ACOXL: variants seen among roughly 807,000 people sequenced by gnomAD.
The protein encoded by ACOXL is acyl-coenzyme A oxidase-like protein.
Under a neutral mutation model 71.9 loss-of-function variants are expected in ACOXL, and 70 were observed. The ratio of observed to expected loss-of-function variants is 0.97; its 90% confidence interval spans 0.80 to 1.19. The LOEUF (loss-of-function observed/expected upper bound fraction) is 1.19. Ranked by LOEUF, ACOXL falls within the 50% of genes most tolerant of loss-of-function variation. The pLI, the probability that ACOXL is intolerant of heterozygous loss-of-function variation, is 0.00. For synonymous variants in ACOXL, 253 were observed against 281.6 expected (o/e 0.90, Z 1.02); for missense variants, 703 against 736.3 (o/e 0.95, Z 0.52).
intron 15 of ACOXL, among the ~76,000 whole-genome samples, chr2:111,045,166 CTT>C (rs1162778482): frequency 1.3e-5 from 2 of 152,188 alleles, no homozygotes; most frequent in African/African-American, 2.4e-5. Flanking sequence ...CCCAGGGAGA[CTT>C]TGCATTTTGT....
chr2:110,866,878 A>G (rs116401626), intron 10 of ACOXL, among the ~76,000 whole-genome samples: 2,251 of 152,256 alleles, frequency 0.015, 59 homozygotes, highest in African/African-American at 0.052. Context: ...CGAGGCTCCT[A>G]TCCTTTGGAG....
At chr2:110,873,057 A>G (rs1300083777) in intron 10 of ACOXL, among the ~76,000 whole-genome samples, 3 of 152,204 alleles carry the variant, frequency 2.0e-5, no homozygotes, top group Admixed American at 2.0e-4. Flanking sequence ...TATGAGTCAC[A>G]TTGACACTGT....
At chr2:111,019,943 C>A (rs2064667645) in intron 14 of ACOXL, among the ~76,000 whole-genome samples, 2 of 152,214 alleles carry the variant, frequency 1.3e-5, no homozygotes, top group Admixed American at 1.3e-4. Context: ...TCACTCCAAC[C>A]ACTACCTCTC....
Position 110,768,386 on chromosome 2 carries a change from T to C in ACOXL, c.-4T>C, listed in dbSNP as rs1436928245. 1.2e-6 allele frequency: 2 copies of C among 1,613,908 alleles called. No homozygotes were observed. The highest frequency in any genetic ancestry group is 1.7e-6 in the Non-Finnish European group (2 of 1,179,976). On this transcript the variant is annotated 5_prime_UTR_variant, in exon 2 of 18. An upstream start codon of the reference 5' UTR is lost. Coordinates refer to ENST00000439055, the MANE Select transcript of ACOXL (RefSeq NM_001142807.4). ...TTCACAGGTATGATTTAAGCTTGGA[T>C]GAAATGAGAGCTTTGACAGTTCAGA...
At chr2:111,039,212 A>G (rs1183163334) in intron 15 of ACOXL, among the ~76,000 whole-genome samples, 1 of 152,228 alleles carries the variant, frequency 6.6e-6, no homozygotes, top group Non-Finnish European at 1.5e-5. Flanking sequence ...CAAGTTTGAT[A>G]AATCACCAGA....
rs879082833 is a variant in ACOXL at position 111,092,852 on chromosome 2, C to T, written c.1441-13C>T. The T allele has an allele frequency of 1.9e-6, 3 of 1,598,504 alleles. No individual in the cohort carries two copies. The highest frequency in any genetic ancestry group is 2.6e-6 in the Non-Finnish European group (3 of 1,167,478). On this transcript the variant is annotated splice_polypyrimidine_tract_variant and intron_variant, in intron 16 of 17. Coordinates refer to ENST00000439055, the MANE Select transcript of ACOXL (RefSeq NM_001142807.4). ...CTATTTGTCCATTTCTTTTGTTTTCCCCCACCCCTTAGTTTTGTCTGTTGT... is the reference window on the plus strand; with the variant it reads ...CTATTTGTCCATTTCTTTTGTTTTCTCCCACCCCTTAGTTTTGTCTGTTGT...
intron 9 of ACOXL, among the ~76,000 whole-genome samples, chr2:110,807,803 G>A (rs1429852984): frequency 6.6e-6 from 1 of 152,216 alleles, no homozygotes; most frequent in Non-Finnish European, 1.5e-5. Context: ...TGAAACCTAA[G>A]ATGGTCCTTC....
intron 16 of ACOXL, among the ~76,000 whole-genome samples, chr2:111,086,086 C>A (rs1258833166): frequency 6.6e-6 from 1 of 152,082 alleles, no homozygotes; most frequent in Non-Finnish European, 1.5e-5. Flanking sequence ...GCCTACCAAC[C>A]AAAAATAGCC....
chr2:110,761,089 C>G (rs961034702), intron 1 of ACOXL, among the ~76,000 whole-genome samples: 2 of 152,160 alleles, frequency 1.3e-5, no homozygotes, highest in Non-Finnish European at 2.9e-5. Flanking sequence ...AATTTTTTCT[C>G]TCTCATAATT....
chr2:110,912,574 T>G (rs1415839153), intron 11 of ACOXL, among the ~76,000 whole-genome samples: 1 of 152,100 alleles, frequency 6.6e-6, no homozygotes, highest in Non-Finnish European at 1.5e-5. Context: ...ATGCAAAAAA[T>G]GAAGTTGGAC....
chr2:110,975,864 G>A (rs901269330), intron 12 of ACOXL, among the ~76,000 whole-genome samples: 6 of 151,206 alleles, frequency 4.0e-5, no homozygotes, highest in Non-Finnish European at 7.4e-5. Context: ...AAACTTCCAA[G>A]AATGAAGATC....
intron 12 of ACOXL, among the ~76,000 whole-genome samples, chr2:110,958,661 A>G (rs975387181): frequency 1.3e-5 from 2 of 152,232 alleles, no homozygotes; most frequent in Non-Finnish European, 1.5e-5. Context: ...GAGGGATCCC[A>G]TGGGCAGCAG....
intron 1 of ACOXL, among the ~76,000 whole-genome samples, chr2:110,734,416 C>T (rs35453655): frequency 0.021 from 3,237 of 152,066 alleles, 43 homozygotes; most frequent in Middle Eastern, 0.031. Context: ...ATTACAGGCA[C>T]CCACCACCAC....
intron 11 of ACOXL, among the ~76,000 whole-genome samples, chr2:110,917,421 T>C (rs2059904543): frequency 6.6e-6 from 1 of 152,204 alleles, no homozygotes; most frequent in South Asian, 2.1e-4. Flanking sequence ...ATAAGGGCTA[T>C]CTATGACAAA....
At chr2:111,099,914 C>T (rs1337887813) in intron 17 of ACOXL, 1 of 152,170 alleles carries the variant, frequency 6.6e-6, no homozygotes, top group Non-Finnish European at 1.5e-5. Flanking sequence ...AAGCAAAGAT[C>T]TCAGCTTCTT....
chr2:110,984,367 T>C (rs2062842017), intron 12 of ACOXL, among the ~76,000 whole-genome samples: 1 of 152,178 alleles, frequency 6.6e-6, no homozygotes, highest in South Asian at 2.1e-4. Context: ...GTCTAGGTGG[T>C]GACTGATCTC....
At chr2:110,988,561 A>G (rs761225977) in intron 13 of ACOXL, among the ~76,000 whole-genome samples, 1 of 152,192 alleles carries the variant, frequency 6.6e-6, no homozygotes, top group Non-Finnish European at 1.5e-5. Context: ...TTGCTGTGCT[A>G]TGGAGTAATG....
At chr2:111,115,588 C>T (rs976748273) in intron 17 of ACOXL, 2 of 152,010 alleles carry the variant, frequency 1.3e-5, no homozygotes, top group African/African-American at 4.8e-5. Context: ...TGGGTGGGTA[C>T]CTGGAATCAG....
chr2:110,963,574 TGTGTGTG>T, intron 12 of ACOXL: 1 of 990,236 alleles, frequency 1.0e-6, no homozygotes. Flanking sequence ...AATGTGTGTG[TGTGTGTG>T]TGTGTGTGTG....
Sources: allele counts gnomAD v4.1 joint callset (sites outside exome capture counted in the v4.1 genomes callset), GRCh38; gene constraint gnomAD v4.1.1; transcripts MANE v1.5; gene names NCBI Gene and HGNC (gene_info 2026-07-23, HGNC 2026-07-21).